The following PPM1L variants were observed in gnomAD, a reference collection of about 807,000 sequenced individuals.
PPM1L encodes the protein protein phosphatase 1L.
In PPM1L, 13 loss-of-function variants were observed where a neutral mutation model predicts 31.4. The ratio of observed to expected loss-of-function variants is 0.41; its 90% CI spans 0.27 to 0.66. The LOEUF (loss-of-function observed/expected upper bound fraction) is 0.66, where lower values mean the gene tolerates loss of function less well. Ranked by LOEUF, PPM1L falls within the 30% of genes least tolerant of loss-of-function variation. The pLI is 0.29. For synonymous variants in PPM1L, 184 were observed against 175.4 expected (o/e 1.05, Z -0.39); for missense variants, 326 against 453.7 (o/e 0.72, Z 2.56).
chr3:161,002,594 G>A (rs368452115), intron 2 of PPM1L, among the ~76,000 whole-genome samples: 3 of 148,540 alleles, frequency 2.0e-5, no homozygotes, highest in African/African-American at 7.6e-5. Context: ...GCCAGTGATG[G>A]TGAGCATTTT....
In PPM1L at chr3:161,009,980, C is replaced by T. The variant is rs538764896; in HGVS notation, c.574+48070C>T. On this transcript the variant is annotated intron_variant, in intron 2 of 3. Transcript: ENST00000498165. Reference sequence around the variant, plus strand: ...TTTCAACTCCAAATTATAAAATATCCATGTTAGTTGTTTTTATGTCTCTAT... The same window carrying T: ...TTTCAACTCCAAATTATAAAATATCTATGTTAGTTGTTTTTATGTCTCTAT... Among the ~76,000 whole-genome samples, 53 of 152,028 alleles carry T rather than the reference C, an allele frequency of 3.5e-4. 1 individual carries two copies. The highest frequency in any genetic ancestry group is 1.3e-3 in the African/African-American group (53 of 41,478).
At chr3:160,965,355 A>G (rs1157584354) in intron 2 of PPM1L, among the ~76,000 whole-genome samples, 1 of 152,108 alleles carries the variant, frequency 6.6e-6, no homozygotes, top group Non-Finnish European at 1.5e-5. Context: ...GTACTTTTTG[A>G]CTTTATGATG....
At chr3:160,822,905 T>C (rs1713244487) in intron 1 of PPM1L, among the ~76,000 whole-genome samples, 1 of 151,910 alleles carries the variant, frequency 6.6e-6, no homozygotes, top group African/African-American at 2.4e-5. Context: ...GAAGAGCTAG[T>C]TAAACGACCA....
intron 2 of PPM1L, among the ~76,000 whole-genome samples, chr3:161,005,306 T>G (rs1021577367): frequency 6.6e-6 from 1 of 152,112 alleles, no homozygotes; most frequent in Non-Finnish European, 1.5e-5. Flanking sequence ...ATTTCTTGAG[T>G]TTTCAGCACA....
At chr3:161,060,271 G>A (rs1007833288) in intron 2 of PPM1L, among the ~76,000 whole-genome samples, 4 of 152,102 alleles carry the variant, frequency 2.6e-5, no homozygotes, top group Non-Finnish European at 4.4e-5. Flanking sequence ...AACAAGCCAG[G>A]CAGAGAGAAC....
chr3:160,894,950 G>A (rs1713284993), intron 1 of PPM1L, among the ~76,000 whole-genome samples: 1 of 151,966 alleles, frequency 6.6e-6, no homozygotes, highest in Non-Finnish European at 1.5e-5. Context: ...TTTTTACTGA[G>A]TTATATATCT....
chr3:160,822,149 A>G (rs1412549357), intron 1 of PPM1L, among the ~76,000 whole-genome samples: 1 of 152,076 alleles, frequency 6.6e-6, no homozygotes, highest in Non-Finnish European at 1.5e-5. Context: ...AAGATTAAGG[A>G]TAAATTACCC....
At chr3:161,014,582 C>T (rs1718018917) in intron 2 of PPM1L, among the ~76,000 whole-genome samples, 1 of 151,348 alleles carries the variant, frequency 6.6e-6, no homozygotes, top group South Asian at 2.1e-4. Context: ...TCAAGCGATT[C>T]TCCTGCCTCA....
chr3:160,823,703 C>A (rs1482061888), intron 1 of PPM1L, among the ~76,000 whole-genome samples: 4 of 152,092 alleles, frequency 2.6e-5, no homozygotes, highest in Non-Finnish European at 5.9e-5. Flanking sequence ...TATATATTAG[C>A]TCATTTAATT....
chr3:160,904,124 T>C (rs1161333568), intron 1 of PPM1L, among the ~76,000 whole-genome samples: 1 of 152,150 alleles, frequency 6.6e-6, no homozygotes, highest in Non-Finnish European at 1.5e-5. Flanking sequence ...TTTGTTGTTT[T>C]ATAAAGGTAT....
At chr3:160,791,221 A>G (rs1712096602) in intron 1 of PPM1L, among the ~76,000 whole-genome samples, 2 of 152,142 alleles carry the variant, frequency 1.3e-5, no homozygotes, top group South Asian at 4.2e-4. Context: ...GTGGGTTTAT[A>G]TGTCAAAGAA....
intron 2 of PPM1L, among the ~76,000 whole-genome samples, chr3:161,044,508 G>A (rs1479353099): frequency 6.6e-6 from 1 of 151,924 alleles, no homozygotes; most frequent in Non-Finnish European, 1.5e-5. Flanking sequence ...GGGAGGCTGA[G>A]GCAGGCAGAT....
intron 1 of PPM1L, among the ~76,000 whole-genome samples, chr3:160,798,471 C>T (rs1712325378): frequency 6.6e-6 from 1 of 151,916 alleles, no homozygotes; most frequent in Non-Finnish European, 1.5e-5. Context: ...AACCTATGGC[C>T]CTTAAAAATT....
intron 2 of PPM1L, among the ~76,000 whole-genome samples, chr3:160,983,931 G>A (rs1197766397): frequency 1.3e-5 from 2 of 152,214 alleles, no homozygotes; most frequent in Admixed American, 6.5e-5. Context: ...GTGGGTCACA[G>A]AGATCACTTG....
chr3:161,065,331 G>A, intron 2 of PPM1L, 72 bp from the exon 3 acceptor site: 1 of 1,475,470 alleles, frequency 6.8e-7, no homozygotes, highest in East Asian at 2.3e-5. Flanking sequence ...GAAGAATCCA[G>A]TTACCACAAG....
chr3:160,836,496 G>A (rs1463247539), intron 1 of PPM1L, among the ~76,000 whole-genome samples: 1 of 152,190 alleles, frequency 6.6e-6, no homozygotes, highest in Non-Finnish European at 1.5e-5. Context: ...TCTGTAAAAT[G>A]TAGCAGCTCA....
At chr3:160,809,326 T>A (rs1302232045) in intron 1 of PPM1L, among the ~76,000 whole-genome samples, 3 of 152,092 alleles carry the variant, frequency 2.0e-5, no homozygotes, top group Non-Finnish European at 2.9e-5. Context: ...GTAAAAAAAA[T>A]TCCCATCCCT....
intron 2 of PPM1L, among the ~76,000 whole-genome samples, chr3:161,047,659 A>G (rs1211469062): frequency 6.6e-6 from 1 of 152,240 alleles, no homozygotes; most frequent in African/African-American, 2.4e-5. Context: ...ACAAAGCTGG[A>G]GGCATCATGC....
At chr3:160,963,879 A>G (rs1716051142) in intron 2 of PPM1L, among the ~76,000 whole-genome samples, 2 of 152,076 alleles carry the variant, frequency 1.3e-5, no homozygotes, top group Admixed American at 1.3e-4. Flanking sequence ...TAAGCCCTGT[A>G]GCATGAAACA....
Sources: allele counts gnomAD v4.1 joint callset (sites outside exome capture counted in the v4.1 genomes callset), GRCh38; gene constraint gnomAD v4.1.1; transcripts MANE v1.5; gene names NCBI Gene and HGNC (gene_info 2026-07-23, HGNC 2026-07-21).